Variants in EIF2AK3 observed in about 807,000 individuals in gnomAD.
EIF2AK3 encodes the protein eukaryotic translation initiation factor 2-alpha kinase 3.
A neutral mutation model predicts 113.5 loss-of-function variants in EIF2AK3; 50 were observed. That is an observed-to-expected ratio of 0.44 (90% CI 0.35 to 0.56). EIF2AK3 has a LOEUF of 0.56. EIF2AK3 is among the 20% of genes least tolerant of loss of function. The pLI is 0.00. For missense variants in EIF2AK3, 1,185 were observed against 1,378.0 expected, an observed-to-expected ratio of 0.86 and a Z score of 2.22; for synonymous variants, 448 against 495.4, an observed-to-expected ratio of 0.90 and a Z score of 1.27.
chr2:88,574,994 C>T lies in EIF2AK3; in HGVS notation c.2489G>A (p.Gly830Asp), dbSNP rs1261615597. Residue 830 changes from glycine to aspartate, a missense_variant, in exon 13 of 17, where the codon GGC becomes GAC. Around this residue, in one of 3 missense-constraint regions of EIF2AK3, gnomAD observed 877 missense variants for 1,024.2 expected, o/e 0.86. Transcript: ENST00000303236. ...AGTTAGTTTATTAGCACAATGGTTGCCAATATGCAATCGATTAGTTTTCGG... is the reference window on the plus strand; with the variant it reads ...AGTTAGTTTATTAGCACAATGGTTGTCAATATGCAATCGATTAGTTTTCGG... ...EEPKTNRLHI[G>D]NHCANKLTAF... 6.2e-7 allele frequency: 1 copy of T among 1,614,130 alleles called. No individual in the cohort carries two copies. The highest frequency in any genetic ancestry group is 1.1e-5 in the South Asian group (1 of 91,080).
At chr2:88,585,256 T>G (rs959500361) in intron 9 of EIF2AK3, among the ~76,000 whole-genome samples, 5 of 152,102 alleles carry the variant, frequency 3.3e-5, no homozygotes, top group Admixed American at 2.6e-4. Context: ...ATTTCATGGC[T>G]TTCGTGACTG....
rs1674411866 is a variant in EIF2AK3, at chr2:88,574,889, AAACTT to A, written c.2589_2593del (p.Leu863PhefsTer5). On this transcript the variant is annotated frameshift_variant, in exon 13 of 17. Transcript: ENST00000303236. LOFTEE classifies it high-confidence loss of function. ...TTCTGTGGTGTTTTTAGTGAGATCT[AAACTT>A]AAAGTGGTTGGTCTTGGAGGAGAAA... 6.2e-7 allele frequency: 1 copy of A among 1,614,126 alleles called. No individual in the cohort carries two copies. Among genetic ancestry groups the A allele is most frequent in the Non-Finnish European group, 8.5e-7 (1 of 1,180,042 alleles).
Position 88,588,101 on chromosome 2 carries a change from G to T in EIF2AK3, c.1310C>A (p.Ser437Tyr), listed in dbSNP as rs200574679. Reference sequence around the variant, plus strand: ...TACCAAGACAGGAGTTCTGGAAGGAGAATCTAAAAGAAAATTATTATTTTC... The same window carrying T: ...TACCAAGACAGGAGTTCTGGAAGGATAATCTAAAAGAAAATTATTATTTTC... ...PTIKWKPLIH[S>Y]PSRTPVLVGS... The change falls in exon 8 of 17, where the codon TCT becomes TAT. Residue 437 changes from serine to tyrosine, a missense_variant. By Grantham distance (144) the Ser-to-Tyr change is moderately radical. This residue lies in a region of EIF2AK3 where 877 missense variants were observed against 1,024.2 expected (regional missense o/e 0.86). Coordinates refer to ENST00000303236, the MANE Select transcript of EIF2AK3 (RefSeq NM_004836.7). 35 of 1,462,458 alleles carry T rather than the reference G, an allele frequency of 2.4e-5. No homozygotes were observed. The highest frequency in any genetic ancestry group is 4.0e-4 in the Middle Eastern group (2 of 4,970). 90.6% of individuals were successfully genotyped at this position (1,462,458 alleles called of 1,614,324 possible).
At chr2:88,607,298 A>T (rs1209140517) in intron 2 of EIF2AK3, among the ~76,000 whole-genome samples, 1 of 152,214 alleles carries the variant, frequency 6.6e-6, no homozygotes, top group Non-Finnish European at 1.5e-5. Flanking sequence ...TTGAATCTGA[A>T]TATAAATTAC....
intron 10 of EIF2AK3, among the ~76,000 whole-genome samples, chr2:88,580,824 C>G (rs914833870): frequency 2.0e-5 from 3 of 152,100 alleles, no homozygotes; most frequent in Non-Finnish European, 4.4e-5. Flanking sequence ...TAGATTTCAA[C>G]GTTCCATGGG....
intron 16 of EIF2AK3, 51 bp downstream of exon 16, chr2:88,558,866 T>A: frequency 6.9e-7 from 1 of 1,441,342 alleles, no homozygotes; most frequent in South Asian, 1.2e-5. Context: ...AAGGACCGCT[T>A]ACGTTCTAAA....
chr2:88,626,954 G>C lies in EIF2AK3; in HGVS notation c.308+13C>G, dbSNP rs750242313. 5 of 1,606,492 alleles carry C rather than the reference G, an allele frequency of 3.1e-6. No individual in the cohort carries two copies. The highest frequency in any genetic ancestry group is 2.2e-5 in the East Asian group (1 of 44,484). ...GTAAACAAGTTGCCTCCCCCGGGTC[G>C]GCAGCCCCTCACCTGCCGCGCGGTC... On this transcript the variant is annotated intron_variant, in intron 1 of 16. Transcript: ENST00000303236.
intron 1 of EIF2AK3, among the ~76,000 whole-genome samples, chr2:88,624,181 TG>T (rs1196065637): frequency 1.5e-4 from 23 of 152,154 alleles, no homozygotes. Flanking sequence ...TTAGTAGAGA[TG>T]GGGTTTCATC....
chr2:88,586,961 C>T (rs996544039), intron 8 of EIF2AK3, among the ~76,000 whole-genome samples: 4 of 148,788 alleles, frequency 2.7e-5, no homozygotes, highest in Non-Finnish European at 5.9e-5. Context: ...AATCCAGACA[C>T]TTTGGGAGGC....
At chr2:88,587,204 C>CAAAAAAAAAAAAAAAAAAAA (rs780050125) in intron 8 of EIF2AK3, among the ~76,000 whole-genome samples, 1 of 30,262 alleles carries the variant, frequency 3.3e-5, no homozygotes, top group African/African-American at 1.8e-4. Flanking sequence ...AACTCCATCT[C>CAAAAAAAAAAAAAAAAAAAA]AAAAAAAAAA....
intron 14 of EIF2AK3, among the ~76,000 whole-genome samples, chr2:88,568,257 C>T (rs1435840784): frequency 6.6e-6 from 1 of 152,074 alleles, no homozygotes; most frequent in Non-Finnish European, 1.5e-5. Context: ...CCATGGATTC[C>T]TCGGGACCCT....
At chr2:88,578,225 A>C (rs538307395) in intron 11 of EIF2AK3, among the ~76,000 whole-genome samples, 1 of 152,332 alleles carries the variant, frequency 6.6e-6, no homozygotes, top group Admixed American at 6.5e-5. Flanking sequence ...ATATGATGAC[A>C]GCACAACAAT....
At chr2:88,579,385 T>C in intron 11 of EIF2AK3, 133 bp downstream of exon 11, 1 of 1,251,166 alleles carries the variant, frequency 8.0e-7, no homozygotes, top group South Asian at 1.3e-5. Context: ...TTGGCAGCAC[T>C]TAGAACCTAA....
chr2:88,590,916 C>T lies in EIF2AK3; in HGVS notation c.904G>A (p.Glu302Lys). The T allele has an allele frequency of 3.7e-6, 6 of 1,614,132 alleles. No individual in the cohort carries two copies. Among genetic ancestry groups the T allele is most frequent in the Non-Finnish European group, 5.1e-6 (6 of 1,180,004 alleles). Residue 302 changes from glutamate to lysine, a missense_variant, in exon 5 of 17, where the codon GAA (glutamate) becomes AAA (lysine). Physicochemically the swap from Glu to Lys is moderately conservative, Grantham distance 56. Around this residue, in one of 3 missense-constraint regions of EIF2AK3, gnomAD observed 877 missense variants for 1,024.2 expected, o/e 0.86. Coordinates refer to ENST00000303236, the MANE Select transcript of EIF2AK3 (RefSeq NM_004836.7). ...ATCACTATGTCCATTATGGCAGCTT[C>T]CTGTTCTTCCACATCTGAAATAATT... ...SKIISDVEEQ[E>K]AAIMDIVIKV...
intron 2 of EIF2AK3, among the ~76,000 whole-genome samples, chr2:88,608,504 CA>C (rs1675343578): frequency 6.6e-6 from 1 of 152,044 alleles, no homozygotes; most frequent in Non-Finnish European, 1.5e-5. Flanking sequence ...CTGCCTGCTA[CA>C]ACTGGCCCTC....
chr2:88,575,544 G>T, intron 12 of EIF2AK3, 98 bp from the exon 13 acceptor site: 2 of 1,277,362 alleles, frequency 1.6e-6, no homozygotes, highest in Non-Finnish European at 2.2e-6. Context: ...CTGTAATAAG[G>T]CCACTTACCA....
chr2:88,610,026 G>A (rs1236032388), intron 2 of EIF2AK3, among the ~76,000 whole-genome samples: 2 of 151,852 alleles, frequency 1.3e-5, no homozygotes, highest in Non-Finnish European at 2.9e-5. Flanking sequence ...GGAGGCTGAG[G>A]TGGAAGGACT....
chr2:88,587,411 C>T lies in EIF2AK3; in HGVS notation c.1429+571G>A, dbSNP rs547819375. ...AAAAGGCTTTCATATCTGAATATAT[C>T]CTAACTTCAAAAAACTGCTGCTTAC... On this transcript the variant is annotated intron_variant, in intron 8 of 16. Transcript: ENST00000303236. 1.7e-4 allele frequency among the ~76,000 whole-genome samples: 26 copies of T among 152,052 alleles called. No individual in the cohort carries two copies. The South Asian group carries it at 3.7e-3, about 22-fold the overall frequency.
At chr2:88,612,321 T>A (rs1414377027) in intron 2 of EIF2AK3, among the ~76,000 whole-genome samples, 1 of 152,226 alleles carries the variant, frequency 6.6e-6, no homozygotes, top group African/African-American at 2.4e-5. Flanking sequence ...CTCATTTTGC[T>A]GATCATCTCT....
Sources: gnomAD v4.1 joint callset for allele counts (sites outside exome capture counted in the v4.1 genomes callset) on GRCh38, gnomAD v4.1.1 for gene constraint, gnomAD v4.1.1 regional missense constraint, MANE v1.5 for transcripts, NCBI Gene and HGNC (gene_info 2026-07-23, HGNC 2026-07-21) for gene names.